SGCG: variants seen among roughly 807,000 people sequenced by gnomAD.
SGCG encodes the protein gamma-sarcoglycan.
SGCG carries 26 observed loss-of-function variants against 29.3 expected under a neutral mutation model. The observed-to-expected ratio is 0.89, with a 90% confidence interval of 0.65 to 1.23. The LOEUF is 1.23. SGCG is among the 50% of genes most tolerant of loss of function. The pLI is 0.00. For synonymous variants in SGCG, 145 were observed against 129.7 expected (o/e 1.12, Z -0.80); for missense variants, 353 against 356.0 (o/e 0.99, Z 0.07).
chr13:23,180,760 T>TCTTGTTTG (rs1049889859), upstream of SGCG, among the ~76,000 whole-genome samples: 3 of 152,224 alleles, frequency 2.0e-5, no homozygotes, highest in Non-Finnish European at 4.4e-5. Context: ...GAGTTTGGTT[T>TCTTGTTTG]CTTGTTTGTT....
chr13:23,323,226 T>C (rs1883114205), intron 7 of SGCG, among the ~76,000 whole-genome samples: 1 of 152,104 alleles, frequency 6.6e-6, no homozygotes, highest in Admixed American at 6.5e-5. Context: ...GAAATAAAAA[T>C]CAAGAATGAG....
intron 2 of SGCG, among the ~76,000 whole-genome samples, chr13:23,227,169 T>G (rs1294509506): frequency 6.6e-6 from 1 of 152,184 alleles, no homozygotes; most frequent in African/African-American, 2.4e-5. Context: ...GTTGGCTGCC[T>G]GTCCACATCT....
intron 5 of SGCG, among the ~76,000 whole-genome samples, chr13:23,286,251 T>C (rs7986388): frequency 0.43 from 65,877 of 152,052 alleles, 15,115 homozygotes; most frequent in Middle Eastern, 0.65. Flanking sequence ...ACAAAGCAGA[T>C]GCAAATTGAT....
chr13:23,169,577 G>A, the SGCG span, among the ~76,000 whole-genome samples: 3 of 151,792 alleles, frequency 2.0e-5, no homozygotes, highest in Non-Finnish European at 4.4e-5. Flanking sequence ...TACTCAGTAG[G>A]CTGAGGCAGG....
chr13:23,195,248 A>G (rs907766739), intron 1 of SGCG, among the ~76,000 whole-genome samples: 5 of 152,228 alleles, frequency 3.3e-5, no homozygotes, highest in African/African-American at 1.2e-4. Context: ...ACCTAATGAC[A>G]CCATAAAAGC....
At chr13:23,308,588 A>G (rs1882439301) in intron 6 of SGCG, among the ~76,000 whole-genome samples, 1 of 151,682 alleles carries the variant, frequency 6.6e-6, no homozygotes, top group Non-Finnish European at 1.5e-5. Flanking sequence ...TTTTTGAGAC[A>G]GAGTCTCACT....
At chr13:23,317,134 G>T (rs527810791) in intron 6 of SGCG, among the ~76,000 whole-genome samples, 1 of 152,008 alleles carries the variant, frequency 6.6e-6, no homozygotes, top group Non-Finnish European at 1.5e-5. Flanking sequence ...GGCAGAGCTT[G>T]TAGTGAGCCG....
At chr13:23,175,605 A>G in the SGCG span, among the ~76,000 whole-genome samples, 1 of 152,154 alleles carries the variant, frequency 6.6e-6, no homozygotes, top group East Asian at 1.9e-4. Context: ...CTGAAATCTG[A>G]GTTTTCTTTT....
rs912262993 is a variant in SGCG, at chr13:23,181,029, G to C, written c.-47G>C. On this transcript the variant is annotated 5_prime_UTR_variant, in exon 1 of 8. Coordinates refer to ENST00000218867, the MANE Select transcript of SGCG (RefSeq NM_000231.3). ...AAACATTCTGTCTGTGGTAGAGCTC[G>C]GGCCAGCTGTAGTTCATTCGCCAGT... The C allele has an allele frequency of 2.0e-5, 3 of 152,116 alleles. No individual in the cohort carries two copies. The highest frequency in any genetic ancestry group is 2.9e-5 in the Non-Finnish European group (2 of 68,034). The allele number at this position is 152,116 out of a possible 1,614,324, so 9.4% of individuals were successfully genotyped here.
At chr13:23,298,879 A>G (rs1031940664) in intron 6 of SGCG, among the ~76,000 whole-genome samples, 2 of 152,200 alleles carry the variant, frequency 1.3e-5, no homozygotes, top group African/African-American at 2.4e-5. Context: ...AAAAGGCGGT[A>G]CTGAGGAAGG....
At chr13:23,252,419 C>T (rs187474591) in intron 4 of SGCG, among the ~76,000 whole-genome samples, 18 of 152,180 alleles carry the variant, frequency 1.2e-4, no homozygotes, top group Admixed American at 2.0e-4. Context: ...CGGCCGGGCA[C>T]GGTGGCTCAC....
chr13:23,199,743 T>TA (rs1555234439), intron 1 of SGCG, among the ~76,000 whole-genome samples: 5 of 151,752 alleles, frequency 3.3e-5, no homozygotes, highest in Admixed American at 6.6e-5. Context: ...CTGGCAAACT[T>TA]AAAAAAAACA....
At chr13:23,314,266 G>A (rs1415289064) in intron 6 of SGCG, among the ~76,000 whole-genome samples, 1 of 148,996 alleles carries the variant, frequency 6.7e-6, no homozygotes, top group South Asian at 2.1e-4. Flanking sequence ...TCCCTAGAGG[G>A]ACAGAACTAA....
intron 2 of SGCG, among the ~76,000 whole-genome samples, chr13:23,204,540 T>C (rs1409975163): frequency 6.6e-6 from 1 of 152,202 alleles, no homozygotes; most frequent in East Asian, 1.9e-4. Flanking sequence ...CAGGTCAGTC[T>C]GTTGCTTACA....
chr13:23,240,990 A>G (rs935214198), intron 3 of SGCG, among the ~76,000 whole-genome samples: 2 of 152,030 alleles, frequency 1.3e-5, no homozygotes, highest in South Asian at 4.1e-4. Flanking sequence ...TCTACTAAAA[A>G]TACAAAAAAT....
intron 6 of SGCG, among the ~76,000 whole-genome samples, chr13:23,300,631 A>G (rs752878376): frequency 6.6e-5 from 10 of 152,130 alleles, no homozygotes; most frequent in Non-Finnish European, 1.5e-4. Context: ...AAGCAAACGC[A>G]TACTACTTCA....
At chr13:23,306,351 T>C (rs1213896995) in intron 6 of SGCG, among the ~76,000 whole-genome samples, 1 of 152,220 alleles carries the variant, frequency 6.6e-6, no homozygotes, top group Non-Finnish European at 1.5e-5. Flanking sequence ...GTTTTAATAT[T>C]AATAGTGTAT....
chr13:23,293,297 A>G (rs1396851279), intron 5 of SGCG, among the ~76,000 whole-genome samples: 2 of 152,160 alleles, frequency 1.3e-5, no homozygotes, highest in African/African-American at 4.8e-5. Flanking sequence ...TCAGTTGATT[A>G]TAGTTTTTAT....
chr13:23,287,583 T>C (rs184548665), intron 5 of SGCG, among the ~76,000 whole-genome samples: 1 of 152,308 alleles, frequency 6.6e-6, no homozygotes, highest in East Asian at 1.9e-4. Context: ...TCGTTTTAAG[T>C]AGCTAAGTTT....
Sources: gnomAD v4.1 joint callset for allele counts (sites outside exome capture counted in the v4.1 genomes callset) on GRCh38, gnomAD v4.1.1 for gene constraint, MANE v1.5 for transcripts, NCBI Gene and HGNC (gene_info 2026-07-23, HGNC 2026-07-21) for gene names.